The following TLN2 variants were observed in gnomAD, a reference collection of about 807,000 sequenced individuals.
The protein encoded by TLN2 is talin 2.
A neutral mutation model predicts 294.7 loss-of-function variants in TLN2; 118 were observed. The observed-to-expected ratio is 0.40, with a 90% CI of 0.34 to 0.47. The LOEUF is 0.47. Among genes scored for constraint, TLN2 ranks in the 20% least tolerant of loss-of-function variants. The pLI is 0.84. For missense variants in TLN2, 3,083 were observed against 3,282.2 expected, an observed-to-expected ratio of 0.94 and a Z score of 1.48; for synonymous variants, 1,431 against 1,304.5, an observed-to-expected ratio of 1.10 and a Z score of -2.09.
chr15:62,729,430 T>A (rs906496610), intron 28 of TLN2, among the ~76,000 whole-genome samples: 18 of 152,342 alleles, frequency 1.2e-4, no homozygotes, highest in African/African-American at 3.4e-4. Flanking sequence ...ACTATTGGAA[T>A]AACATTGAAT....
intron 2 of TLN2, among the ~76,000 whole-genome samples, chr15:62,612,049 G>C (rs1328629312): frequency 6.6e-6 from 1 of 152,078 alleles, no homozygotes; most frequent in East Asian, 1.9e-4. Context: ...TTGGGATACA[G>C]ACCTTGTTTC....
intron 26 of TLN2, among the ~76,000 whole-genome samples, chr15:62,723,384 T>C (rs1045633294): frequency 1.3e-5 from 2 of 152,180 alleles, no homozygotes; most frequent in Admixed American, 1.3e-4. Context: ...TTAGAATTTC[T>C]GGTTGTAGAG....
intron 1 of TLN2, among the ~76,000 whole-genome samples, chr15:62,468,027 T>C (rs1462572888): frequency 6.6e-6 from 1 of 152,212 alleles, no homozygotes; most frequent in East Asian, 1.9e-4. Context: ...ATAAAGGTTG[T>C]CTAGCTTTTA....
At chr15:62,776,576 ATT>A (rs2063733694) in intron 42 of TLN2, among the ~76,000 whole-genome samples, 186 bp from the exon 43 acceptor site, 1 of 152,096 alleles carries the variant, frequency 6.6e-6, no homozygotes, top group African/African-American at 2.4e-5. Flanking sequence ...ATCTTTTTCT[ATT>A]TGTCTTTCTG....
At chr15:62,696,722 T>A (rs550856372) in intron 14 of TLN2, among the ~76,000 whole-genome samples, 1 of 152,238 alleles carries the variant, frequency 6.6e-6, no homozygotes, top group Admixed American at 6.5e-5. Context: ...AAAATAAATT[T>A]TAAAAAATGC....
intron 2 of TLN2, among the ~76,000 whole-genome samples, chr15:62,603,286 T>G (rs1258611753): frequency 6.6e-6 from 1 of 151,796 alleles, no homozygotes; most frequent in Non-Finnish European, 1.5e-5. Context: ...GTTGTAGTGG[T>G]TTTTTTTTAA....
rs368334269 is a variant in TLN2, at chr15:62,397,907, G to A, written c.-238+7222G>A. Among the ~76,000 whole-genome samples the A allele has an allele frequency of 5.4e-4, 82 of 152,150 alleles. No individual in the cohort carries two copies. The Middle Eastern group carries it at 0.01, about 19-fold the overall frequency. On this transcript the variant is annotated intron_variant, in intron 1 of 58. Coordinates refer to ENST00000636159, the MANE Select transcript of TLN2 (RefSeq NM_015059.3). ...AATCCCTGGCTTAGATGGCTGTTAT[G>A]CTTCTACCATTTTCAACCCAGACTC... is the stretch of plus-strand genomic sequence containing the variant.
Position 62,498,082 on chromosome 15 carries a change from C to T in TLN2, c.-237-91605C>T, listed in dbSNP as rs146631712. 3.2e-4 allele frequency among the ~76,000 whole-genome samples: 44 copies of T among 135,646 alleles called. No homozygotes were observed. The Middle Eastern group carries it at 0.013, about 41-fold the overall frequency. 89.0% of individuals were successfully genotyped at this position (135,646 alleles called of 152,430 possible). On this transcript the variant is annotated intron_variant, in intron 1 of 58. Transcript: ENST00000636159. ...GGGTAACATGTTGAAACTTTTGGTACGAAAAGTACAAAAATTAGCCGTGAT... is the reference window on the plus strand; with the variant it reads ...GGGTAACATGTTGAAACTTTTGGTATGAAAAGTACAAAAATTAGCCGTGAT...
At chr15:62,780,530 C>G in intron 43 of TLN2, among the ~76,000 whole-genome samples, 1 of 152,226 alleles carries the variant, frequency 6.6e-6, no homozygotes, top group East Asian at 1.9e-4. Flanking sequence ...CTTCAAGGGA[C>G]ATAGTCCCAT....
chr15:62,450,976 C>CT (rs753232298), intron 1 of TLN2, among the ~76,000 whole-genome samples: 8,459 of 138,900 alleles, frequency 0.061, 767 homozygotes, highest in African/African-American at 0.21. Context: ...AGTTCTCTCT[C>CT]TTTTTTTTTT....
At chr15:62,772,487 C>A (rs1312441912) in intron 42 of TLN2, among the ~76,000 whole-genome samples, 1 of 152,024 alleles carries the variant, frequency 6.6e-6, no homozygotes, top group Middle Eastern at 3.2e-3. Flanking sequence ...TCGTGCCAGC[C>A]CCCTTTGCAC....
At chr15:62,615,635 G>C (rs1178456920) in intron 2 of TLN2, among the ~76,000 whole-genome samples, 1 of 152,154 alleles carries the variant, frequency 6.6e-6, no homozygotes, top group Non-Finnish European at 1.5e-5. Flanking sequence ...TCATATGCAC[G>C]TGTGTATGTA....
chr15:62,562,937 C>T (rs1447422702), intron 1 of TLN2, among the ~76,000 whole-genome samples: 1 of 148,614 alleles, frequency 6.7e-6, no homozygotes, highest in South Asian at 2.1e-4. Flanking sequence ...CACACACACA[C>T]ACACACACAC....
chr15:62,507,876 G>T (rs182498278), intron 1 of TLN2, among the ~76,000 whole-genome samples: 60 of 152,282 alleles, frequency 3.9e-4, no homozygotes, highest in African/African-American at 1.3e-3. Context: ...CCCACATTCC[G>T]TACCTGAGAA....
intron 2 of TLN2, among the ~76,000 whole-genome samples, chr15:62,600,860 A>C (rs2046937115): frequency 6.6e-6 from 1 of 152,170 alleles, no homozygotes; most frequent in Non-Finnish European, 1.5e-5. Flanking sequence ...TAGAACTTAA[A>C]AATTATCTAC....
chr15:62,616,480 A>G (rs193271836), intron 2 of TLN2, among the ~76,000 whole-genome samples: 30 of 152,246 alleles, frequency 2.0e-4, no homozygotes, highest in Admixed American at 8.5e-4. Flanking sequence ...CCAGTCAGGA[A>G]TGTGGTGGTG....
chr15:62,403,316 A>C (rs971823555), intron 1 of TLN2, among the ~76,000 whole-genome samples: 1 of 152,032 alleles, frequency 6.6e-6, no homozygotes, highest in African/African-American at 2.4e-5. Context: ...CATGCCCTTC[A>C]TAGTAAAAAT....
chr15:62,453,890 T>C (rs76819055), intron 1 of TLN2: 4,066 of 155,268 alleles, frequency 0.026, 85 homozygotes, highest in African/African-American at 0.053. Flanking sequence ...TCTCAGGGTT[T>C]GCAAACAGTG....
intron 20 of TLN2, among the ~76,000 whole-genome samples, 154 bp downstream of exon 20, chr15:62,707,407 T>C (rs750846305): frequency 6.6e-6 from 1 of 152,258 alleles, no homozygotes; most frequent in Non-Finnish European, 1.5e-5. Flanking sequence ...GATTTTAGCA[T>C]AAGCGGTCAA....
Sources: gnomAD v4.1 joint callset for allele counts (sites outside exome capture counted in the v4.1 genomes callset) on GRCh38, gnomAD v4.1.1 for gene constraint, MANE v1.5 for transcripts, NCBI Gene and HGNC (gene_info 2026-07-23, HGNC 2026-07-21) for gene names.